DPH6: variants seen among roughly 807,000 people sequenced by gnomAD.
DPH6 encodes diphthine--ammonia ligase.
DPH6 carries 33 observed loss-of-function variants against 38.2 expected under a neutral mutation model. The observed-to-expected ratio is 0.86, with a 90% CI of 0.65 to 1.15. DPH6 has a LOEUF of 1.15. Among genes scored for constraint, DPH6 ranks in the 50% most tolerant of loss-of-function variants. The pLI is 0.00. For synonymous variants in DPH6, 108 were observed against 103.0 expected, an observed-to-expected ratio of 1.05 and a Z score of -0.30; for missense variants, 325 against 320.0, an observed-to-expected ratio of 1.02 and a Z score of -0.12.
chr15:35,465,678 T>C (rs574084986), intron 3 of DPH6, among the ~76,000 whole-genome samples: 1 of 152,270 alleles, frequency 6.6e-6, no homozygotes, highest in African/African-American at 2.4e-5. Context: ...AAATCATCAA[T>C]ATAAAAAAAT....
At chr15:35,404,898 T>G (rs2053271015) in intron 6 of DPH6, among the ~76,000 whole-genome samples, 1 of 152,158 alleles carries the variant, frequency 6.6e-6, no homozygotes, top group Non-Finnish European at 1.5e-5. Flanking sequence ...ATTTGACTGT[T>G]GTATAAGGTG....
chr15:35,484,614 C>A (rs2054372454), intron 3 of DPH6, among the ~76,000 whole-genome samples: 1 of 152,160 alleles, frequency 6.6e-6, no homozygotes, highest in African/African-American at 2.4e-5. Flanking sequence ...CTATTTCCCT[C>A]AAGGTGAGTG....
At chr15:35,182,503 T>G in the DPH6 span, among the ~76,000 whole-genome samples, 1 of 152,110 alleles carries the variant, frequency 6.6e-6, no homozygotes, top group Admixed American at 6.5e-5. Flanking sequence ...ATCGATAGCA[T>G]GTACACTTTT....
At chr15:35,537,001 A>C (rs1595452795) in intron 3 of DPH6, among the ~76,000 whole-genome samples, 1 of 152,056 alleles carries the variant, frequency 6.6e-6, no homozygotes, top group East Asian at 1.9e-4. Context: ...CTAAGCAGAA[A>C]ATTTTGGAAC....
rs141101742 is a variant in DPH6, at chr15:35,445,941, T to C, written c.505+4744A>G. The stretch of plus-strand genomic sequence containing the variant: ...GTGTATCACAGTAAAAAGTGATCTC[T>C]AGTGGTTCTTGCATATATTTCATTG... On this transcript the variant is annotated intron_variant, in intron 5 of 8. Coordinates refer to ENST00000256538, the MANE Select transcript of DPH6 (RefSeq NM_080650.4). 8.2e-3 allele frequency among the ~76,000 whole-genome samples: 1,247 copies of C among 152,336 alleles called. 7 individuals are homozygous for C. Among genetic ancestry groups the C allele is most frequent in the Non-Finnish European group, 0.012 (789 of 68,024 alleles).
At chr15:35,355,255 T>C (rs927471661) in intron 3 of DPH6, among the ~76,000 whole-genome samples, 21 of 152,216 alleles carry the variant, frequency 1.4e-4, no homozygotes, top group South Asian at 4.1e-4. Flanking sequence ...CCAGTCTGTG[T>C]CTTCTAATTG....
At chr15:35,441,630 G>A (rs1331320810) in intron 5 of DPH6, among the ~76,000 whole-genome samples, 3 of 152,180 alleles carry the variant, frequency 2.0e-5, no homozygotes, top group Non-Finnish European at 4.4e-5. Context: ...TGGATACAGG[G>A]AGGGGAACAT....
rs963298600 is a variant in DPH6, at chr15:35,236,655, GA to G, written n.201-16074del. On this transcript the variant is annotated intron_variant and non_coding_transcript_variant, in intron 3 of 3. Transcript: ENST00000560386. ...GACTCCATCTCAAAAAAAAAAAAAA[GA>G]AAAAAAGAAAACTTCAAGTGTTATT... 1.5e-4 allele frequency among the ~76,000 whole-genome samples: 22 copies of G among 149,246 alleles called. No individual in the cohort carries two copies. The South Asian group carries it at 2.8e-3, about 19-fold the overall frequency.
At chr15:35,296,301 C>T (rs2052014430) in intron 3 of DPH6, among the ~76,000 whole-genome samples, 1 of 152,120 alleles carries the variant, frequency 6.6e-6, no homozygotes, top group East Asian at 1.9e-4. Flanking sequence ...CCAATAACCA[C>T]ATTACTTCTA....
intron 3 of DPH6, among the ~76,000 whole-genome samples, chr15:35,493,624 G>T (rs1431274710): frequency 1.3e-5 from 2 of 152,014 alleles, no homozygotes; most frequent in South Asian, 2.1e-4. Context: ...AGAGATTAAA[G>T]AATTCACCTC....
chr15:35,255,829 A>G (rs77773668), intron 3 of DPH6, among the ~76,000 whole-genome samples: 3,454 of 151,752 alleles, frequency 0.023, 136 homozygotes, highest in African/African-American at 0.079. Flanking sequence ...AAGATTATTC[A>G]TTCTATCCAT....
At chr15:35,245,378 AC>A (rs1398633185) in intron 3 of DPH6, among the ~76,000 whole-genome samples, 1 of 151,542 alleles carries the variant, frequency 6.6e-6, no homozygotes, top group Non-Finnish European at 1.5e-5. Context: ...AGCTGGGACT[AC>A]AGGCGCCCGC....
intron 6 of DPH6, among the ~76,000 whole-genome samples, chr15:35,407,850 C>T (rs748068092): frequency 5.3e-5 from 8 of 151,950 alleles, no homozygotes; most frequent in Non-Finnish European, 8.8e-5. Flanking sequence ...GGATGCTGAT[C>T]GTACAGGGTC....
intron 3 of DPH6, among the ~76,000 whole-genome samples, chr15:35,496,567 A>AAAAAAAAAAAAAAAAATATATATATATAT: frequency 3.5e-4 from 11 of 31,004 alleles, no homozygotes; most frequent in East Asian, 3.0e-3. Context: ...AAAAAAAAAA[A>AAAAAAAAAAAAAAAAATATATATATATAT]ATATATATAT....
chr15:35,373,869 G>A (rs1012171756), intron 7 of DPH6, among the ~76,000 whole-genome samples: 3 of 151,918 alleles, frequency 2.0e-5, no homozygotes, highest in African/African-American at 7.2e-5. Flanking sequence ...TTCACTCAAA[G>A]CTCTCTGAAC....
At chr15:35,192,856 C>T in the DPH6 span, among the ~76,000 whole-genome samples, 1 of 152,070 alleles carries the variant, frequency 6.6e-6, no homozygotes, top group Non-Finnish European at 1.5e-5. Context: ...GGGCATCATG[C>T]CAAGAACCTA....
chr15:35,384,489 A>T (rs2052917412), intron 6 of DPH6, among the ~76,000 whole-genome samples: 1 of 152,144 alleles, frequency 6.6e-6, no homozygotes, highest in African/African-American at 2.4e-5. Flanking sequence ...CTTCAAAGTC[A>T]TGACAATCAA....
chr15:35,410,404 G>C (rs1004773585), intron 6 of DPH6, among the ~76,000 whole-genome samples: 1 of 151,592 alleles, frequency 6.6e-6, no homozygotes, highest in African/African-American at 2.4e-5. Context: ...GAAATCTTGG[G>C]ATAACTTTTT....
chr15:35,306,381 C>T (rs1222916218), intron 3 of DPH6, among the ~76,000 whole-genome samples: 4 of 152,158 alleles, frequency 2.6e-5, no homozygotes, highest in African/African-American at 9.7e-5. Flanking sequence ...CCTCACTATG[C>T]TTACTCTTAT....
Sources: allele counts gnomAD v4.1 joint callset (sites outside exome capture counted in the v4.1 genomes callset), GRCh38; gene constraint gnomAD v4.1.1; transcripts MANE v1.5; gene names NCBI Gene and HGNC (gene_info 2026-07-23, HGNC 2026-07-21).